The following GRM1 variants were observed in gnomAD, a reference collection of about 807,000 sequenced individuals.
The protein encoded by GRM1 is glutamate metabotropic receptor 1.
GRM1 carries 33 observed loss-of-function variants against 90.9 expected under a neutral mutation model. That is an observed-to-expected ratio of 0.36 (90% CI 0.28 to 0.49). The LOEUF is 0.49. Among genes scored for constraint, GRM1 ranks in the 20% least tolerant of loss-of-function variants. GRM1 has a pLI of 0.99. For missense variants in GRM1, 1,190 were observed against 1,534.3 expected (o/e 0.78, Z 3.75); for synonymous variants, 700 against 613.2 (o/e 1.14, Z -2.09).
intron 1 of GRM1, among the ~76,000 whole-genome samples, chr6:146,091,182 A>C (rs1776702060): frequency 6.6e-6 from 1 of 152,034 alleles, no homozygotes; most frequent in African/African-American, 2.4e-5. Flanking sequence ...AAAGAGAAAG[A>C]AGCTGAACTG....
intron 1 of GRM1, among the ~76,000 whole-genome samples, chr6:146,045,881 A>G (rs1167550412): frequency 2.0e-5 from 3 of 151,804 alleles, no homozygotes; most frequent in African/African-American, 7.2e-5. Context: ...ACTGGCAATT[A>G]AAGCTCACAG....
intron 2 of GRM1, among the ~76,000 whole-genome samples, chr6:146,249,184 TC>T: frequency 6.6e-6 from 1 of 152,326 alleles, no homozygotes; most frequent in East Asian, 1.9e-4. Context: ...AACCCCATTT[TC>T]TGGGGAGGAA....
At chr6:146,369,263 T>C (rs989318281) in intron 5 of GRM1, among the ~76,000 whole-genome samples, 12 of 151,920 alleles carry the variant, frequency 7.9e-5, no homozygotes, top group Non-Finnish European at 1.8e-4. Flanking sequence ...GTGTCCACTT[T>C]GTTTATCTTT....
At chr6:146,365,651 C>G (rs182865378) in intron 5 of GRM1, among the ~76,000 whole-genome samples, 1 of 152,124 alleles carries the variant, frequency 6.6e-6, no homozygotes, top group African/African-American at 2.4e-5. Flanking sequence ...GGTACTCATC[C>G]TACCTAGCCT....
At chr6:146,186,943 G>A (rs936527467) in intron 2 of GRM1, among the ~76,000 whole-genome samples, 1 of 152,116 alleles carries the variant, frequency 6.6e-6, no homozygotes, top group Non-Finnish European at 1.5e-5. Flanking sequence ...AACTTTAAAG[G>A]TCTCTACCTA....
At chr6:146,293,025 A>C (rs1308672621) in intron 2 of GRM1, among the ~76,000 whole-genome samples, 2 of 152,014 alleles carry the variant, frequency 1.3e-5, no homozygotes, top group African/African-American at 4.8e-5. Context: ...GCAAAAGTTC[A>C]TGTATTGTGT....
At chr6:146,423,905 C>T (rs1778099885) in intron 7 of GRM1, among the ~76,000 whole-genome samples, 1 of 152,202 alleles carries the variant, frequency 6.6e-6, no homozygotes, top group African/African-American at 2.4e-5. Flanking sequence ...GCCACAGCTT[C>T]TCTTGATCTG....
At chr6:146,296,116 T>C (rs1335528697) in intron 2 of GRM1, among the ~76,000 whole-genome samples, 2 of 152,196 alleles carry the variant, frequency 1.3e-5, no homozygotes, top group Non-Finnish European at 2.9e-5. Flanking sequence ...ATCCAATCTG[T>C]TATAGATGGG....
At chr6:146,368,214 C>A (rs971588792) in intron 5 of GRM1, among the ~76,000 whole-genome samples, 1 of 141,564 alleles carries the variant, frequency 7.1e-6, no homozygotes, top group Non-Finnish European at 1.5e-5. Context: ...GATGTTGCAT[C>A]CTGCAAATTT....
chr6:146,042,193 C>T (rs142606764), intron 1 of GRM1, among the ~76,000 whole-genome samples: 12 of 152,086 alleles, frequency 7.9e-5, no homozygotes, highest in Non-Finnish European at 1.3e-4. Flanking sequence ...TTTTGGGGGA[C>T]GTTCAGACCA....
At chr6:146,257,984 C>T (rs1230376204) in intron 2 of GRM1, among the ~76,000 whole-genome samples, 1 of 105,562 alleles carries the variant, frequency 9.5e-6, no homozygotes, top group African/African-American at 3.7e-5. Flanking sequence ...GTTTGTTCTT[C>T]CGTAAAAAAA....
intron 6 of GRM1, among the ~76,000 whole-genome samples, chr6:146,397,292 G>A (rs1293950978): frequency 1.3e-5 from 2 of 151,876 alleles, no homozygotes; most frequent in Non-Finnish European, 2.9e-5. Context: ...GGCTAACACA[G>A]TGAAACCCCG....
intron 2 of GRM1, among the ~76,000 whole-genome samples, chr6:146,275,715 AT>A (rs930432168): frequency 6.6e-6 from 1 of 151,904 alleles, no homozygotes; most frequent in African/African-American, 2.4e-5. Context: ...TGCTCTAAAC[AT>A]TTTTTCTCAT....
intron 1 of GRM1, among the ~76,000 whole-genome samples, chr6:146,100,632 G>A (rs1777019548): frequency 6.6e-6 from 1 of 152,128 alleles, no homozygotes; most frequent in Admixed American, 6.5e-5. Context: ...AACATCCACT[G>A]CCTTAATTAC....
intron 5 of GRM1, chr6:146,365,426 A>C (rs923344695): frequency 6.6e-6 from 1 of 152,230 alleles, no homozygotes; most frequent in Non-Finnish European, 1.5e-5. Context: ...TTATTACCTC[A>C]GATCCAGCCC....
intron 2 of GRM1, among the ~76,000 whole-genome samples, chr6:146,266,933 G>A (rs1277527079): frequency 1.3e-5 from 2 of 152,144 alleles, no homozygotes; most frequent in Non-Finnish European, 2.9e-5. Context: ...GGATGTGCAG[G>A]TTTGTTACAT....
chr6:146,160,575 A>G (rs1777687292), intron 2 of GRM1, among the ~76,000 whole-genome samples: 1 of 152,094 alleles, frequency 6.6e-6, no homozygotes, highest in East Asian at 1.9e-4. Context: ...TGGGTACACT[A>G]CAATCATATC....
chr6:146,042,634 T>C (rs1440667208), intron 1 of GRM1, among the ~76,000 whole-genome samples: 3 of 151,912 alleles, frequency 2.0e-5, no homozygotes, highest in African/African-American at 7.3e-5. Context: ...ATGAGGGAAA[T>C]GGAAAGAGAG....
At chr6:146,303,924 T>G (rs1783483464) in intron 2 of GRM1, among the ~76,000 whole-genome samples, 1 of 152,198 alleles carries the variant, frequency 6.6e-6, no homozygotes. Flanking sequence ...TTCTAGAAGG[T>G]GATCACATTT....
Sources: gnomAD v4.1 joint callset for allele counts (sites outside exome capture counted in the v4.1 genomes callset) on GRCh38, gnomAD v4.1.1 for gene constraint, MANE v1.5 for transcripts, NCBI Gene and HGNC (gene_info 2026-07-23, HGNC 2026-07-21) for gene names.